CARS1: variants seen among roughly 807,000 people sequenced by gnomAD.
The protein encoded by CARS1 is cysteinyl-tRNA synthetase 1, also known as cysteine--tRNA ligase, cytoplasmic.
CARS1 carries 48 observed loss-of-function variants against 106.2 expected under a neutral mutation model. That is an observed-to-expected ratio of 0.45 (90% CI 0.36 to 0.57). The LOEUF is 0.57. Among genes scored for constraint, CARS1 ranks in the 20% least tolerant of loss-of-function variants. The pLI is 0.00. For synonymous variants in CARS1, 409 were observed against 403.4 expected (o/e 1.01, Z -0.17); for missense variants, 968 against 1,057.2 (o/e 0.92, Z 1.17).
Position 3,037,349 on chromosome 11 carries a change from C to CCAGGGCAGTGGTGAGGGAAGG in CARS1, c.801+680_801+700dup, listed in dbSNP as rs1853784636. 6.6e-6 allele frequency among the ~76,000 whole-genome samples: 1 copy of CCAGGGCAGTGGTGAGGGAAGG among 152,228 alleles called. No homozygotes were observed. Among genetic ancestry groups the CCAGGGCAGTGGTGAGGGAAGG allele is most frequent in the African/African-American group, 2.4e-5 (1 of 41,458 alleles). ...TCCCTGCCCCATCACTGAGGTGGGGCCAGGGCAGTGGTGAGGGAAGGCAGG... is the reference window on the plus strand; with the variant it reads ...TCCCTGCCCCATCACTGAGGTGGGGCCAGGGCAGTGGTGAGGGAAGGCAGGGCAGTGGTGAGGGAAGGCAGG... On this transcript the variant is annotated intron_variant, in intron 7 of 22. Transcript: ENST00000380525. This position sits in a 1 kb window ranked among gnomAD's most constrained non-coding sequence, Gnocchi z 5.9.
At chr11:3,009,929 C>T (rs997496802) in intron 18 of CARS1, among the ~76,000 whole-genome samples, 1 of 152,154 alleles carries the variant, frequency 6.6e-6, no homozygotes, top group African/African-American at 2.4e-5. Flanking sequence ...GTGATTGCAC[C>T]AGAGCCACCT....
intron 10 of CARS1, among the ~76,000 whole-genome samples, chr11:3,025,001 A>G (rs417957): frequency 0.47 from 70,729 of 151,846 alleles, 17,713 homozygotes; most frequent in African/African-American, 0.65. Flanking sequence ...TGATCTGTCA[A>G]CTCCTGGGAA....
In CARS1 at chr11:3,057,148, C is replaced by T. The variant is rs967427685; in HGVS notation, c.25+195G>A. ...CCGCCCCTCGGACCCAAGGACGTGC[C>T]GTCCCTCAGACCCCGCGCACTGACA... On this transcript the variant is annotated intron_variant, in intron 1 of 22. Transcript: ENST00000380525. Among the ~76,000 whole-genome samples, 4 of 151,830 alleles carry T rather than the reference C, an allele frequency of 2.6e-5. No homozygotes were observed. In the East Asian group the frequency reaches 7.7e-4, roughly 29 times the overall value.
intron 22 of CARS1, 99 bp downstream of exon 22, chr11:3,001,871 C>T: frequency 1.0e-6 from 1 of 986,498 alleles, no homozygotes; most frequent in South Asian, 1.3e-5. Context: ...TTTCTACAGA[C>T]AGAAAATCTG....
Position 3,019,419 on chromosome 11 carries a change from G to C in CARS1, c.1267-152C>G. 1.2e-6 allele frequency: 1 copy of C among 854,422 alleles called. No homozygotes were observed. The highest frequency in any genetic ancestry group is 1.6e-6 in the Non-Finnish European group (1 of 629,542). The allele number at this position is 854,422 out of a possible 1,614,324, so 52.9% of individuals were successfully genotyped here. On this transcript the variant is annotated intron_variant, in intron 11 of 22. Coordinates refer to ENST00000380525, the MANE Select transcript of CARS1 (RefSeq NM_001014437.3). The surrounding 1 kb of genome is among the most constrained non-coding windows in gnomAD (Gnocchi z 6.2). ...ACATGAAAAGACTAAGGGAAGGCTGGGCGAGATGGCTCACACCTGTAATCC... is the reference window on the plus strand; with the variant it reads ...ACATGAAAAGACTAAGGGAAGGCTGCGCGAGATGGCTCACACCTGTAATCC...
rs569588149 is a variant in CARS1 at position 3,004,825 on chromosome 11, G to A, written c.2217+541C>T. On this transcript the variant is annotated intron_variant, in intron 20 of 22. Transcript: ENST00000380525. This position sits in a 1 kb window ranked among gnomAD's most constrained non-coding sequence, Gnocchi z 5.2. ...ACTGGGATCTTAACATGTCAGCTTC[G>A]GGCCAGGCGTGGTGGCTCAAGCCTG... Among the ~76,000 whole-genome samples, 1 of 152,154 alleles carries A rather than the reference G, an allele frequency of 6.6e-6. No homozygotes were observed. The highest frequency in any genetic ancestry group is 2.4e-5 in the African/African-American group (1 of 41,534).
In CARS1 at chr11:3,020,099, C is replaced by T. The variant is rs935205952; in HGVS notation, c.1266+121G>A. 2 of 699,318 alleles carry T rather than the reference C, an allele frequency of 2.9e-6. No homozygotes were observed. The highest frequency in any genetic ancestry group is 3.5e-5 in the African/African-American group (2 of 56,712). The allele number at this position is 699,318 out of a possible 1,614,324, so 43.3% of individuals were successfully genotyped here. A position where few individuals can be genotyped will look rare whatever the true frequency, so the allele number is the denominator to read the frequency against. On this transcript the variant is annotated intron_variant, in intron 11 of 22. Transcript: ENST00000380525. The surrounding 1 kb of genome is among the most constrained non-coding windows in gnomAD (Gnocchi z 4.6). Reference sequence around the variant, plus strand: ...CAGGCAGCCTGTGCTGCACCAGCACCAGGCTCTGGCCCAGTGACAACATCC... The same window carrying T: ...CAGGCAGCCTGTGCTGCACCAGCACTAGGCTCTGGCCCAGTGACAACATCC...
rs745963722 is a variant in CARS1, at chr11:3,020,343, G to A, written c.1154-11C>T. 19 of 1,576,700 alleles carry A rather than the reference G, an allele frequency of 1.2e-5. No homozygotes were observed. The highest frequency in any genetic ancestry group is 1.7e-4 in the Middle Eastern group (1 of 5,994). ...AGATGCTCAGGTCACCTGCAAACAC[G>A]AGGGACGCCAGGCAAGGTCACTCAG... On this transcript the variant is annotated splice_polypyrimidine_tract_variant and intron_variant, in intron 10 of 22. Coordinates refer to ENST00000380525, the MANE Select transcript of CARS1 (RefSeq NM_001014437.3). This position sits in a 1 kb window ranked among gnomAD's most constrained non-coding sequence, Gnocchi z 4.6.
At position 3,017,757 on chromosome 11, in the gene CARS1, G is replaced by T; in HGVS notation, c.1727+100C>A. Reference sequence around the variant, plus strand: ...TGCACAACGTACGACAGTGTCCCCAGCCCTTCCTCGACAGTCCAGGACACA... The same window carrying T: ...TGCACAACGTACGACAGTGTCCCCATCCCTTCCTCGACAGTCCAGGACACA... On this transcript the variant is annotated intron_variant, in intron 15 of 22. Coordinates refer to ENST00000380525, the MANE Select transcript of CARS1 (RefSeq NM_001014437.3). The surrounding 1 kb of genome is among the most constrained non-coding windows in gnomAD (Gnocchi z 4.9). 1.3e-6 allele frequency: 1 copy of T among 778,010 alleles called. No individual in the cohort carries two copies. The allele number at this position is 778,010 out of a possible 1,614,324, so 48.2% of individuals were successfully genotyped here.
intron 2 of CARS1, among the ~76,000 whole-genome samples, chr11:3,047,276 C>CA (rs59525343): frequency 0.01 from 854 of 84,054 alleles, 29 homozygotes; most frequent in African/African-American, 0.03. Context: ...GACTCCATCT[C>CA]AAAAAAAAAA....
chr11:3,015,936 C>T (rs1297777171), intron 16 of CARS1, 87 bp from the exon 17 acceptor site: 25 of 1,133,496 alleles, frequency 2.2e-5, no homozygotes, highest in East Asian at 4.8e-5. Context: ...TCCTCGTTCA[C>T]GGGAGGGGGT....
Position 3,020,111 on chromosome 11 carries a change from C to T in CARS1, c.1266+109G>A, listed in dbSNP as rs964466405. On this transcript the variant is annotated intron_variant, in intron 11 of 22. Coordinates refer to ENST00000380525, the MANE Select transcript of CARS1 (RefSeq NM_001014437.3). The surrounding 1 kb of genome is among the most constrained non-coding windows in gnomAD (Gnocchi z 4.6). ...GCTGCACCAGCACCAGGCTCTGGCC[C>T]AGTGACAACATCCTTCACACACAGA... The T allele has an allele frequency of 5.2e-5, 38 of 737,188 alleles. No homozygotes were observed. In the Admixed American group the frequency reaches 7.2e-4, roughly 14 times the overall value. 45.7% of individuals were successfully genotyped at this position (737,188 alleles called of 1,614,324 possible). A position where few individuals can be genotyped will look rare whatever the true frequency, so the allele number is the denominator to read the frequency against.
At chr11:3,055,619 C>T (rs1291882055) in intron 1 of CARS1, among the ~76,000 whole-genome samples, 1 of 152,250 alleles carries the variant, frequency 6.6e-6, no homozygotes, top group Non-Finnish European at 1.5e-5. Context: ...AGGGCAATCC[C>T]AACCTATATG....
chr11:3,002,674 G>A, intron 20 of CARS1, 74 bp from the exon 21 acceptor site: 6 of 1,597,386 alleles, frequency 3.8e-6, no homozygotes, highest in Non-Finnish European at 4.3e-6. Context: ...GAGAGGTCTA[G>A]CCAAACAAGC....
chr11:3,039,214 C>A lies in CARS1; in HGVS notation c.631G>T (p.Asp211Tyr), dbSNP rs1286480113. The change falls in exon 6 of 23, where the codon GAT (aspartate) becomes TAT (tyrosine). Residue 211 changes from aspartate to tyrosine, a missense_variant. By Grantham distance (160) the Asp-to-Tyr change is radical. Coordinates refer to ENST00000380525, the MANE Select transcript of CARS1 (RefSeq NM_001014437.3). This position sits in a 1 kb window ranked among gnomAD's most constrained non-coding sequence, Gnocchi z 5.6. ...KRPEAAQLLE[D>Y]VQAALKPFSV... ...CCCACCTTCAGGGCGGCCTGAACAT[C>A]CTCCAAGAGCTGTGCCGCTTCAGGC... The A allele has an allele frequency of 1.2e-6, 2 of 1,612,972 alleles. No individual in the cohort carries two copies. Among genetic ancestry groups the A allele is most frequent in the Non-Finnish European group, 1.7e-6 (2 of 1,179,110 alleles).
Position 3,003,859 on chromosome 11 carries a change from C to A in CARS1, c.2218-1259G>T, listed in dbSNP as rs951511387. Among the ~76,000 whole-genome samples, 13 of 152,264 alleles carry A rather than the reference C, an allele frequency of 8.5e-5. No homozygotes were observed. The highest frequency in any genetic ancestry group is 3.1e-4 in the African/African-American group (13 of 41,550). Reference sequence around the variant, plus strand: ...CCTCGGGCCTGGGGATGCCTTCTTGCAGCAGCTTGGTGAGGTAAGAGTCCC... The same window carrying A: ...CCTCGGGCCTGGGGATGCCTTCTTGAAGCAGCTTGGTGAGGTAAGAGTCCC... On this transcript the variant is annotated intron_variant, in intron 20 of 22. Coordinates refer to ENST00000380525, the MANE Select transcript of CARS1 (RefSeq NM_001014437.3). The surrounding 1 kb of genome is among the most constrained non-coding windows in gnomAD (Gnocchi z 4.8).
Position 3,021,047 on chromosome 11 carries a change from G to C in CARS1, c.1154-715C>G, listed in dbSNP as rs1851526003. Among the ~76,000 whole-genome samples, 1 of 152,176 alleles carries C rather than the reference G, an allele frequency of 6.6e-6. No homozygotes were observed. The highest frequency in any genetic ancestry group is 2.1e-4 in the South Asian group (1 of 4,832). On this transcript the variant is annotated intron_variant, in intron 10 of 22. Transcript: ENST00000380525. This position sits in a 1 kb window ranked among gnomAD's most constrained non-coding sequence, Gnocchi z 5.3. ...TGTCTATGCCTTGCCAGAGGGATGAGAAATAACCCCTTGGTGAATTCCATG... is the reference window on the plus strand; with the variant it reads ...TGTCTATGCCTTGCCAGAGGGATGACAAATAACCCCTTGGTGAATTCCATG...
At position 3,029,274 on chromosome 11, in the gene CARS1, A is replaced by T. The variant is rs771923826; in HGVS notation, c.942+29T>A. ...GAAATCAGGGCCCTTAGCGCAAGAG[A>T]GCCAGCACAAGACAATCGTGACACT... is the stretch of plus-strand genomic sequence containing the variant. On this transcript the variant is annotated intron_variant, in intron 8 of 22. Coordinates refer to ENST00000380525, the MANE Select transcript of CARS1 (RefSeq NM_001014437.3). This position sits in a 1 kb window ranked among gnomAD's most constrained non-coding sequence, Gnocchi z 5.9. 6.2e-7 allele frequency: 1 copy of T among 1,610,684 alleles called. No individual in the cohort carries two copies. Among genetic ancestry groups the T allele is most frequent in the South Asian group, 1.1e-5 (1 of 90,988 alleles).
rs1477518718 is a variant in CARS1, at chr11:3,050,399, C to A, written c.26-2398G>T. On this transcript the variant is annotated intron_variant, in intron 1 of 22. Coordinates refer to ENST00000380525, the MANE Select transcript of CARS1 (RefSeq NM_001014437.3). This position sits in a 1 kb window ranked among gnomAD's most constrained non-coding sequence, Gnocchi z 6.3. ...CCTAGCCAAAACTGGAATCACACCC[C>A]TTTACAAGTTATCCTTAGGAGCACC... 1.3e-5 allele frequency among the ~76,000 whole-genome samples: 2 copies of A among 152,142 alleles called. No individual in the cohort carries two copies. The highest frequency in any genetic ancestry group is 2.9e-5 in the Non-Finnish European group (2 of 68,014).
Sources: gnomAD v4.1 joint callset for allele counts (sites outside exome capture counted in the v4.1 genomes callset) on GRCh38, gnomAD v4.1.1 for gene constraint, Gnocchi (gnomAD v3.1) non-coding constraint, MANE v1.5 for transcripts, NCBI Gene and HGNC (gene_info 2026-07-23, HGNC 2026-07-21) for gene names.